Variants in E2F5 observed in about 807,000 individuals in gnomAD.
E2F5 encodes E2F transcription factor 5.
E2F5 carries 23 observed loss-of-function variants against 39.1 expected under a neutral mutation model. That is an observed-to-expected ratio of 0.59 (90% CI 0.42 to 0.83). The LOEUF (loss-of-function observed/expected upper bound fraction) is 0.83. E2F5 is among the 40% of genes least tolerant of loss of function. The pLI, the probability that E2F5 is intolerant of heterozygous loss-of-function variation, is 0.00. For synonymous variants in E2F5, 145 were observed against 157.8 expected, an observed-to-expected ratio of 0.92 and a Z score of 0.61; for missense variants, 365 against 406.7, an observed-to-expected ratio of 0.90 and a Z score of 0.88.
intron 5 of E2F5, among the ~76,000 whole-genome samples, chr8:85,207,972 T>C (rs1812832330): frequency 6.6e-6 from 1 of 152,232 alleles, no homozygotes; most frequent in African/African-American, 2.4e-5. Flanking sequence ...TTGAATTTTT[T>C]AAGTTAGAGG....
chr8:85,213,125 T>C (rs1812979366), intron 7 of E2F5: 1 of 149,998 alleles, frequency 6.7e-6, no homozygotes, highest in African/African-American at 2.4e-5. Flanking sequence ...CTCAAACTCC[T>C]GGCCTCAGGT....
intron 1 of E2F5, among the ~76,000 whole-genome samples, chr8:85,184,993 A>C (rs1278645685): frequency 6.6e-6 from 1 of 152,220 alleles, no homozygotes; most frequent in African/African-American, 2.4e-5. Context: ...GACTTTCTTC[A>C]CAGAATTGGA....
At chr8:85,180,583 T>G (rs1359753145) in intron 1 of E2F5, among the ~76,000 whole-genome samples, 1 of 126,048 alleles carries the variant, frequency 7.9e-6, no homozygotes, top group African/African-American at 3.0e-5. Flanking sequence ...TGTTTTTTTT[T>G]TTTTTTTTTT....
At chr8:85,213,542 TAAAAA>T in intron 7 of E2F5, 2 of 119,596 alleles carry the variant, frequency 1.7e-5, no homozygotes, top group South Asian at 1.1e-4. Context: ...GACTCCATCT[TAAAAA>T]AAAAAAAAAA....
intron 6 of E2F5, among the ~76,000 whole-genome samples, chr8:85,211,474 T>C (rs1384622064): frequency 1.3e-5 from 2 of 151,712 alleles, no homozygotes; most frequent in Non-Finnish European, 2.9e-5. Context: ...AACGAACAGA[T>C]TTGAGAAACA....
intron 1 of E2F5, among the ~76,000 whole-genome samples, chr8:85,196,008 A>AT (rs1035374161): frequency 3.9e-5 from 6 of 151,980 alleles, no homozygotes; most frequent in South Asian, 2.1e-4. Flanking sequence ...TTTATTAAAA[A>AT]TTTTTTTTTA....
At position 85,214,477 on chromosome 8, in the gene E2F5, A is replaced by G; in HGVS notation, c.*615A>G. 1.0e-6 allele frequency: 1 copy of G among 966,890 alleles called. No individual in the cohort carries two copies. Among genetic ancestry groups the G allele is most frequent in the South Asian group, 1.4e-5 (1 of 71,894 alleles). 59.9% of individuals were successfully genotyped at this position (966,890 alleles called of 1,614,324 possible). On this transcript the variant is annotated 3_prime_UTR_variant, in exon 8 of 8. Coordinates refer to ENST00000416274, the MANE Select transcript of E2F5 (RefSeq NM_001951.4). ...TTTTAAAATGTGCCAATGCCTGTAC[A>G]TTAACAAGATTTTTAAAAATAAAAT...
chr8:85,181,738 T>A (rs1812219589), intron 1 of E2F5, among the ~76,000 whole-genome samples: 2 of 150,878 alleles, frequency 1.3e-5, no homozygotes, highest in African/African-American at 4.9e-5. Context: ...GGCGGGCAGA[T>A]CACCTGAGGT....
intron 2 of E2F5, among the ~76,000 whole-genome samples, chr8:85,202,648 G>A (rs997171664): frequency 1.3e-5 from 2 of 152,152 alleles, no homozygotes; most frequent in African/African-American, 2.4e-5. Flanking sequence ...CTGGTTATAC[G>A]TTTGAATGTA....
At chr8:85,212,123 CA>C (rs755198174) in intron 6 of E2F5, 33 bp from the exon 7 acceptor site, 23 of 1,549,606 alleles carry the variant, frequency 1.5e-5, no homozygotes, top group Non-Finnish European at 2.0e-5. Flanking sequence ...TTACTGTTAA[CA>C]GAAATATAAC....
At position 85,207,450 on chromosome 8, in the gene E2F5, A is replaced by G; in HGVS notation, c.576A>G (p.Ala192=). 1 of 1,561,698 alleles carries G rather than the reference A, an allele frequency of 6.4e-7. No individual in the cohort carries two copies. The highest frequency in any genetic ancestry group is 8.7e-7 in the Non-Finnish European group (1 of 1,151,676). ...GTGATACACTTTTGGCCATTCAGGC[A>G]CCTTCTGGTACACAACTGGAGGTAC... ...FNGDTLLAIQ[A]PSGTQLEVPI... The change falls in exon 5 of 8, where the codon GCA becomes GCG. Residue 192 remains alanine (A), a synonymous_variant. Transcript: ENST00000416274.
intron 1 of E2F5, 22 bp downstream of exon 1, chr8:85,177,676 G>T: frequency 1.6e-6 from 2 of 1,265,512 alleles, no homozygotes; most frequent in Non-Finnish European, 2.0e-6. Flanking sequence ...AGGCGGGGAC[G>T]GGGGCGGACT....
intron 1 of E2F5, among the ~76,000 whole-genome samples, chr8:85,189,282 A>G (rs1812411611): frequency 2.0e-5 from 3 of 152,200 alleles, no homozygotes; most frequent in Admixed American, 6.5e-5. Flanking sequence ...GCAACCACTC[A>G]CAGAGAACCA....
At chr8:85,185,045 G>A (rs572269813) in intron 1 of E2F5, among the ~76,000 whole-genome samples, 30 of 152,238 alleles carry the variant, frequency 2.0e-4, no homozygotes, top group Non-Finnish European at 4.1e-4. Flanking sequence ...AAAAGAGCCT[G>A]CATAGCCAAG....
intron 1 of E2F5, among the ~76,000 whole-genome samples, chr8:85,194,566 A>G (rs546203151): frequency 2.3e-4 from 28 of 122,422 alleles, no homozygotes; most frequent in Non-Finnish European, 4.5e-4. Context: ...ACAGAGTCTC[A>G]CTCTGTCACC....
rs4150922 is a variant in E2F5, at chr8:85,199,149, T to A, written c.235-2998T>A. Among the ~76,000 whole-genome samples, 624 of 152,220 alleles carry A rather than the reference T, an allele frequency of 4.1e-3. 4 individuals are homozygous for A. Among genetic ancestry groups the A allele is most frequent in the African/African-American group, 0.014 (594 of 41,538 alleles). ...CATCTTGTTGGTCTCCTTTCCTGTC[T>A]TTATCTCCTTTTTCCATTTTCCCTC... On this transcript the variant is annotated intron_variant, in intron 1 of 7. Transcript: ENST00000416274.
chr8:85,210,778 ATAAT>A (rs1324412533), intron 6 of E2F5, among the ~76,000 whole-genome samples: 1 of 152,220 alleles, frequency 6.6e-6, no homozygotes, highest in Admixed American at 6.5e-5. Context: ...TAGCTTAGAC[ATAAT>A]TAACACACTG....
In E2F5 at chr8:85,203,220, C is replaced by A; in HGVS notation, c.471C>A (p.Ser157Arg). 1 of 1,601,212 alleles carries A rather than the reference C, an allele frequency of 6.2e-7. No homozygotes were observed. The highest frequency in any genetic ancestry group is 8.5e-7 in the Non-Finnish European group (1 of 1,173,802). ...LDQQKLWLQQ[S>R]IKNVMDDSIN... The stretch of plus-strand genomic sequence containing the variant: ...AGCAGAAGTTGTGGCTACAGCAAAG[C>A]ATCAAAAATGTGATGGACGATTCCA... The change falls in exon 3 of 8, where the codon AGC (serine) becomes AGA (arginine). Residue 157 changes from serine (S) to arginine (R), a missense_variant. By Grantham distance (110) the Ser-to-Arg change is moderately radical. Coordinates refer to ENST00000416274, the MANE Select transcript of E2F5 (RefSeq NM_001951.4).
intron 3 of E2F5, among the ~76,000 whole-genome samples, chr8:85,204,810 C>A (rs1812768064): frequency 6.6e-6 from 1 of 152,192 alleles, no homozygotes; most frequent in Non-Finnish European, 1.5e-5. Context: ...CCCCAGGTGG[C>A]AATATTCCTC....
Sources: gnomAD v4.1 joint callset for allele counts (sites outside exome capture counted in the v4.1 genomes callset) on GRCh38, gnomAD v4.1.1 for gene constraint, MANE v1.5 for transcripts, NCBI Gene and HGNC (gene_info 2026-07-23, HGNC 2026-07-21) for gene names.